RFC3: variants seen among roughly 807,000 people sequenced by gnomAD.
RFC3 encodes the protein A1 38 kDa subunit.
In RFC3, 41 loss-of-function variants were observed where a neutral mutation model predicts 45.1. That is an observed-to-expected ratio of 0.91 (90% confidence interval 0.71 to 1.18). RFC3 has a LOEUF of 1.18. Among genes scored for constraint, RFC3 ranks in the 50% most tolerant of loss-of-function variants. The pLI, the probability that RFC3 is intolerant of heterozygous loss-of-function variation, is 0.00. For missense variants in RFC3, 423 were observed against 428.1 expected (o/e 0.99, Z 0.10); for synonymous variants, 149 against 144.0 (o/e 1.03, Z -0.25).
chr13:33,867,964 T>C (rs1314037303), intron 8 of RFC3, among the ~76,000 whole-genome samples: 2 of 152,242 alleles, frequency 1.3e-5, no homozygotes, highest in Non-Finnish European at 2.9e-5. Flanking sequence ...CTACAGAATA[T>C]TAAGGTGGAA....
At chr13:33,949,054 A>G (rs1396608299) in intron 8 of RFC3, among the ~76,000 whole-genome samples, 1 of 152,122 alleles carries the variant, frequency 6.6e-6, no homozygotes, top group Admixed American at 6.6e-5. Flanking sequence ...TGGGAGGGTC[A>G]GGGGTGGAAT....
At chr13:33,965,698 A>G (rs980735591) in intron 8 of RFC3, among the ~76,000 whole-genome samples, 1 of 152,226 alleles carries the variant, frequency 6.6e-6, no homozygotes, top group Non-Finnish European at 1.5e-5. Flanking sequence ...CTAAAGGTGT[A>G]TTGGATCACC....
At chr13:33,896,160 CAA>C (rs2082596929) in intron 8 of RFC3, among the ~76,000 whole-genome samples, 1 of 150,818 alleles carries the variant, frequency 6.6e-6, no homozygotes, top group Non-Finnish European at 1.5e-5. Context: ...GCTATTGAAA[CAA>C]AGAAATATAT....
chr13:33,920,282 C>T (rs767578394), intron 8 of RFC3, among the ~76,000 whole-genome samples: 28 of 152,042 alleles, frequency 1.8e-4, no homozygotes, highest in Non-Finnish European at 3.4e-4. Flanking sequence ...AACCAAATAC[C>T]CTCTCAAGAA....
At position 33,859,975 on chromosome 13, in the gene RFC3, A is replaced by G. The variant is rs532964548; in HGVS notation, c.879+24758A>G. On this transcript the variant is annotated intron_variant, in intron 8 of 8. Transcript: ENST00000434425. ...ATGATGTCATAAGGGTGTGGCCCTA[A>G]TCTAATAGGACTGGTGACCTCATAA... 2.0e-5 allele frequency among the ~76,000 whole-genome samples: 3 copies of G among 152,220 alleles called. No individual in the cohort carries two copies. In the South Asian group the frequency reaches 6.2e-4, roughly 32 times the overall value.
intron 8 of RFC3, among the ~76,000 whole-genome samples, chr13:33,933,806 T>C (rs1167489241): frequency 1.3e-5 from 2 of 152,082 alleles, no homozygotes; most frequent in Admixed American, 6.6e-5. Flanking sequence ...TATAAACAAC[T>C]AAAGATATTC....
At chr13:33,834,298 G>GTGTATATATATA (rs1302839326) in intron 7 of RFC3, among the ~76,000 whole-genome samples, 4 of 109,212 alleles carry the variant, frequency 3.7e-5, no homozygotes, top group African/African-American at 1.2e-4. Context: ...TGTACTGTGT[G>GTGTATATATATA]TATATATATA....
At chr13:33,882,041 G>A (rs2137600096) in intron 8 of RFC3, among the ~76,000 whole-genome samples, 1 of 152,188 alleles carries the variant, frequency 6.6e-6, no homozygotes, top group South Asian at 2.1e-4. Context: ...TCTGCAAATT[G>A]GGGGGAACTT....
At chr13:33,925,714 C>T (rs904699437) in intron 8 of RFC3, among the ~76,000 whole-genome samples, 74 of 147,938 alleles carry the variant, frequency 5.0e-4, no homozygotes, top group African/African-American at 1.7e-3. Flanking sequence ...CACACATATA[C>T]ATATATATTT....
intron 8 of RFC3, among the ~76,000 whole-genome samples, chr13:33,893,942 G>A (rs536838726): frequency 1.3e-5 from 2 of 152,092 alleles, no homozygotes; most frequent in Non-Finnish European, 2.9e-5. Context: ...AGAGCAAGGA[G>A]TAGAAAGGTT....
chr13:33,944,010 G>C (rs1345387077), intron 8 of RFC3, among the ~76,000 whole-genome samples: 1 of 152,098 alleles, frequency 6.6e-6, no homozygotes, highest in Non-Finnish European at 1.5e-5. Flanking sequence ...TTGGTAGAGG[G>C]TAAGATTTGA....
chr13:33,843,728 C>A (rs1487863116), intron 8 of RFC3, among the ~76,000 whole-genome samples: 1 of 152,202 alleles, frequency 6.6e-6, no homozygotes, highest in African/African-American at 2.4e-5. Context: ...GGGTGCCACT[C>A]TAATAAATTC....
intron 8 of RFC3, among the ~76,000 whole-genome samples, chr13:33,931,837 C>A (rs527914238): frequency 2.0e-4 from 31 of 152,062 alleles, no homozygotes; most frequent in African/African-American, 7.5e-4. Context: ...CTTTTTAACA[C>A]CTTCATTATA....
chr13:33,857,488 T>C (rs2082315186), intron 8 of RFC3, among the ~76,000 whole-genome samples: 1 of 152,188 alleles, frequency 6.6e-6, no homozygotes, highest in Admixed American at 6.5e-5. Context: ...ATGGGAGCAA[T>C]GCTCTCCCAA....
chr13:33,891,116 C>T (rs551115660), intron 8 of RFC3, among the ~76,000 whole-genome samples: 2 of 152,188 alleles, frequency 1.3e-5, no homozygotes, highest in East Asian at 1.9e-4. Context: ...GACTCCACCA[C>T]GTTTAGTGGT....
intron 4 of RFC3, among the ~76,000 whole-genome samples, chr13:33,829,070 T>C (rs2082077803): frequency 1.3e-5 from 2 of 152,220 alleles, no homozygotes; most frequent in Non-Finnish European, 2.9e-5. Flanking sequence ...TTGGAATCTT[T>C]AGTTGTTCTG....
At chr13:33,880,443 G>C (rs189235958) in intron 8 of RFC3, among the ~76,000 whole-genome samples, 140 of 152,208 alleles carry the variant, frequency 9.2e-4, no homozygotes, top group Non-Finnish European at 1.1e-3. Flanking sequence ...AGTCATTGTG[G>C]GTTGCTCTAG....
At chr13:33,934,189 T>G (rs1039325462) in intron 8 of RFC3, among the ~76,000 whole-genome samples, 5 of 149,676 alleles carry the variant, frequency 3.3e-5, no homozygotes, top group Admixed American at 1.3e-4. Context: ...AAAAAAAATC[T>G]GGGTGCAATG....
chr13:33,867,334 G>A (rs9563857), intron 8 of RFC3, among the ~76,000 whole-genome samples: 5,282 of 152,248 alleles, frequency 0.035, 155 homozygotes, highest in East Asian at 0.15. Context: ...TCTCTACCTG[G>A]TAAAGTAATG....
Sources: allele counts gnomAD v4.1 joint callset (sites outside exome capture counted in the v4.1 genomes callset), GRCh38; gene constraint gnomAD v4.1.1; transcripts MANE v1.5; gene names NCBI Gene and HGNC (gene_info 2026-07-23, HGNC 2026-07-21).